Variants in PTPN4 observed in about 807,000 individuals in gnomAD.
The protein encoded by PTPN4 is tyrosine-protein phosphatase non-receptor type 4.
PTPN4 carries 49 observed loss-of-function variants against 135.5 expected under a neutral mutation model. The observed-to-expected ratio is 0.36, with a 90% CI of 0.29 to 0.46. PTPN4 has a LOEUF of 0.46. PTPN4 is among the 20% of genes least tolerant of loss of function. The pLI, the probability that PTPN4 is intolerant of heterozygous loss-of-function variation, is 1.00. For missense variants in PTPN4, 860 were observed against 1,101.0 expected (o/e 0.78, Z 3.10); for synonymous variants, 333 against 369.9 (o/e 0.90, Z 1.14).
intron 2 of PTPN4, among the ~76,000 whole-genome samples, chr2:119,821,084 C>T (rs984544901): frequency 2.7e-5 from 4 of 146,282 alleles, no homozygotes; most frequent in Non-Finnish European, 6.0e-5. Flanking sequence ...CTTTTGAATT[C>T]TATCCATAAT....
At chr2:119,869,364 A>C (rs1179262425) in intron 3 of PTPN4, among the ~76,000 whole-genome samples, 1 of 152,232 alleles carries the variant, frequency 6.6e-6, no homozygotes, top group East Asian at 1.9e-4. Context: ...AAATGGGTGC[A>C]GTTAACCTGG....
At chr2:119,874,190 G>A (rs1468113274) in intron 3 of PTPN4, among the ~76,000 whole-genome samples, 3 of 152,134 alleles carry the variant, frequency 2.0e-5, no homozygotes, top group African/African-American at 7.2e-5. Flanking sequence ...GTGTTGATGA[G>A]GAAGTGAAGA....
At chr2:119,791,849 G>T (rs1223850055) in intron 1 of PTPN4, among the ~76,000 whole-genome samples, 1 of 152,036 alleles carries the variant, frequency 6.6e-6, no homozygotes, top group African/African-American at 2.4e-5. Context: ...GAGGAGGTAG[G>T]TGCCATTATT....
chr2:119,874,637 C>A (rs752157706), intron 3 of PTPN4, among the ~76,000 whole-genome samples: 1 of 151,952 alleles, frequency 6.6e-6, no homozygotes, highest in Non-Finnish European at 1.5e-5. Context: ...AGACTGACTG[C>A]GAATAGGTAC....
intron 13 of PTPN4, among the ~76,000 whole-genome samples, chr2:119,930,166 C>T (rs557792351): frequency 1.3e-5 from 2 of 152,082 alleles, no homozygotes; most frequent in Non-Finnish European, 2.9e-5. Flanking sequence ...ATAATTTAAA[C>T]CTGTGATAAT....
intron 1 of PTPN4, chr2:119,791,354 A>G (rs143822186): frequency 0.02 from 3,055 of 152,242 alleles, 45 homozygotes; most frequent in Non-Finnish European, 0.027. Flanking sequence ...GGATGGTCTC[A>G]ATCTCTTGAC....
At chr2:119,761,340 A>G (rs1690489331) in intron 1 of PTPN4, among the ~76,000 whole-genome samples, 2 of 152,244 alleles carry the variant, frequency 1.3e-5, no homozygotes, top group African/African-American at 4.8e-5. Flanking sequence ...AACGTGCCAG[A>G]GGAAAAAAAT....
At chr2:119,802,109 T>A (rs1246174131) in intron 1 of PTPN4, among the ~76,000 whole-genome samples, 2 of 152,126 alleles carry the variant, frequency 1.3e-5, no homozygotes, top group Admixed American at 1.3e-4. Flanking sequence ...TTCACCCTGT[T>A]AGCCAGGATG....
intron 2 of PTPN4, among the ~76,000 whole-genome samples, chr2:119,829,608 G>A (rs150651340): frequency 6.6e-6 from 1 of 152,180 alleles, no homozygotes; most frequent in East Asian, 1.9e-4. Flanking sequence ...ATTTCACTTA[G>A]CTTAATGTTT....
chr2:119,810,534 A>G (rs1459129811), intron 2 of PTPN4, among the ~76,000 whole-genome samples: 1 of 152,150 alleles, frequency 6.6e-6, no homozygotes, highest in Admixed American at 6.5e-5. Context: ...ACCCTTTTGT[A>G]TGAATATACT....
chr2:119,967,188 G>A (rs373458462), intron 25 of PTPN4, among the ~76,000 whole-genome samples: 1 of 152,354 alleles, frequency 6.6e-6, no homozygotes, highest in East Asian at 1.9e-4. Context: ...GCCCATGCCT[G>A]GAATCCCAGC....
intron 1 of PTPN4, among the ~76,000 whole-genome samples, chr2:119,793,868 T>TTTTTTTTTTG: frequency 7.2e-6 from 1 of 139,606 alleles, no homozygotes; most frequent in Non-Finnish European, 1.5e-5. Context: ...TTTTTTTTTT[T>TTTTTTTTTTG]TTTTTTTGGT....
rs70949378 is a variant in PTPN4, at chr2:119,973,655, G to GTTTTTTTTTTTTTTTTTTTTTTT, written c.2695-3324_2695-3302dup. 7.6e-4 allele frequency among the ~76,000 whole-genome samples: 29 copies of GTTTTTTTTTTTTTTTTTTTTTTT among 38,390 alleles called. 5 individuals carry two copies. Among genetic ancestry groups the GTTTTTTTTTTTTTTTTTTTTTTT allele is most frequent in the African/African-American group, 1.1e-3 (9 of 7,950 alleles). 25.2% of individuals were successfully genotyped at this position (38,390 alleles called of 152,430 possible). ...TTGAAAGCTTCCTCCTTCATTTCTT[G>GTTTTTTTTTTTTTTTTTTTTTTT]TTTTTTTTTTTTTTTTTTTTTTTTT... On this transcript the variant is annotated intron_variant, in intron 26 of 26. Transcript: ENST00000263708.
At chr2:119,809,082 A>C (rs1450314938) in intron 1 of PTPN4, among the ~76,000 whole-genome samples, 1 of 151,914 alleles carries the variant, frequency 6.6e-6, no homozygotes, top group Non-Finnish European at 1.5e-5. Context: ...GAGTGTTTTA[A>C]GAGTTTTTTT....
In PTPN4 at chr2:119,825,498, T is replaced by TTC. The variant is rs1421249253; in HGVS notation, c.138+15508_138+15509insCT. On this transcript the variant is annotated intron_variant, in intron 2 of 26. Coordinates refer to ENST00000263708, the MANE Select transcript of PTPN4 (RefSeq NM_002830.4). ...GAGCCCAGGCTAGAACCCAAGCCTT[T>TTC]TTTTTTTTTTTTTTTGAGAGGGAGT... Among the ~76,000 whole-genome samples the TTC allele has an allele frequency of 8.0e-5, 12 of 149,460 alleles. No individual in the cohort carries two copies. The East Asian group carries it at 1.4e-3, about 17-fold the overall frequency.
At chr2:119,795,936 CA>C (rs1691249025) in intron 1 of PTPN4, among the ~76,000 whole-genome samples, 1 of 152,232 alleles carries the variant, frequency 6.6e-6, no homozygotes. Context: ...GCACTGCAGC[CA>C]GGCAAACCCT....
At chr2:119,863,103 T>G (rs570436388) in intron 3 of PTPN4, among the ~76,000 whole-genome samples, 2 of 152,150 alleles carry the variant, frequency 1.3e-5, no homozygotes, top group Non-Finnish European at 2.9e-5. Context: ...AAGATAGAGA[T>G]TAAATTTCAG....
intron 2 of PTPN4, among the ~76,000 whole-genome samples, chr2:119,856,146 A>G (rs951297832): frequency 2.0e-5 from 3 of 152,162 alleles, no homozygotes; most frequent in South Asian, 2.1e-4. Flanking sequence ...GACTTAGAGC[A>G]TATCACTCCC....
rs1338211468 is a variant in PTPN4, at chr2:119,844,586, G to A, written c.139-17950G>A. Among the ~76,000 whole-genome samples, 132 of 149,498 alleles carry A rather than the reference G, an allele frequency of 8.8e-4. 2 individuals are homozygous for A. The highest frequency in any genetic ancestry group is 8.1e-3 in the Admixed American group (122 of 15,146). The stretch of plus-strand genomic sequence containing the variant: ...TCACCTCCCAGACGGGGTCTCGGCC[G>A]GGCAGAGGCGCTCCTCACATCCCAG... On this transcript the variant is annotated intron_variant, in intron 2 of 26. Coordinates refer to ENST00000263708, the MANE Select transcript of PTPN4 (RefSeq NM_002830.4).
Sources: allele counts gnomAD v4.1 joint callset (sites outside exome capture counted in the v4.1 genomes callset), GRCh38; gene constraint gnomAD v4.1.1; transcripts MANE v1.5; gene names NCBI Gene and HGNC (gene_info 2026-07-23, HGNC 2026-07-21).